RNF212: variants seen among roughly 807,000 people sequenced by gnomAD.
The protein encoded by RNF212 is ring finger protein 212, also known as probable E3 SUMO-protein ligase RNF212.
A neutral mutation model predicts 34.7 loss-of-function variants in RNF212; 33 were observed. The observed-to-expected ratio is 0.95, with a 90% confidence interval of 0.72 to 1.27. The LOEUF (loss-of-function observed/expected upper bound fraction) is 1.27. RNF212 is among the 50% of genes most tolerant of loss of function. RNF212 has a pLI of 0.00. For missense variants in RNF212, 377 were observed against 362.2 expected (o/e 1.04, Z -0.33); for synonymous variants, 140 against 136.1 (o/e 1.03, Z -0.20).
intron 2 of RNF212, among the ~76,000 whole-genome samples, chr4:1,104,296 C>G (rs1176869682): frequency 6.6e-6 from 1 of 152,220 alleles, no homozygotes; most frequent in Non-Finnish European, 1.5e-5. Flanking sequence ...ATCAGACAAC[C>G]CCCAAATCTC....
At chr4:1,064,516 A>G (rs1326704803) in intron 3 of RNF212, among the ~76,000 whole-genome samples, 1 of 152,200 alleles carries the variant, frequency 6.6e-6, no homozygotes, top group African/African-American at 2.4e-5. Context: ...CAAGTCCATC[A>G]AGATGCTGGC....
At chr4:1,106,374 A>C (rs1309522522) in intron 2 of RNF212, among the ~76,000 whole-genome samples, 2 of 152,194 alleles carry the variant, frequency 1.3e-5, no homozygotes, top group African/African-American at 4.8e-5. Flanking sequence ...AACCACAGTG[A>C]AAATCCTGAT....
chr4:1,092,970 G>C (rs1310125635), intron 3 of RNF212, among the ~76,000 whole-genome samples: 1 of 86,138 alleles, frequency 1.2e-5, no homozygotes, highest in South Asian at 4.4e-4. Flanking sequence ...GTCCACATGA[G>C]CTCCAAACTA....
At chr4:1,100,129 T>G (rs1156980381) in intron 2 of RNF212, 1 of 334,902 alleles carries the variant, frequency 3.0e-6, no homozygotes, top group African/African-American at 2.2e-5. Context: ...CAACACTAAT[T>G]TCATCTTCTT....
At chr4:1,095,936 C>T (rs1335615894) in intron 3 of RNF212, among the ~76,000 whole-genome samples, 3 of 80,096 alleles carry the variant, frequency 3.7e-5, no homozygotes, top group African/African-American at 1.8e-4. Flanking sequence ...CCCACAGCTC[C>T]ATGGTCTCGG....
intron 2 of RNF212, chr4:1,100,159 A>G (rs1723739005): frequency 9.1e-6 from 3 of 329,380 alleles, no homozygotes; most frequent in East Asian, 8.1e-5. Context: ...GCCTGTGTGG[A>G]CTTTGCACGG....
At chr4:1,068,620 G>A (rs1453810154), downstream of RNF212, among the ~76,000 whole-genome samples, 5 of 152,146 alleles carry the variant, frequency 3.3e-5, no homozygotes, top group South Asian at 1.0e-3. Flanking sequence ...AATGAACAAC[G>A]CAGTCTCTTA....
chr4:1,071,414 G>A (rs1188428244), downstream of RNF212: 4 of 152,002 alleles, frequency 2.6e-5, no homozygotes, highest in East Asian at 7.7e-4. Context: ...TTAAAAACTA[G>A]AAGAATTCTG....
intron 3 of RNF212, among the ~76,000 whole-genome samples, chr4:1,063,970 G>T (rs1215238547): frequency 6.6e-6 from 1 of 151,820 alleles, no homozygotes; most frequent in Admixed American, 6.6e-5. Context: ...CCAAGAAAAT[G>T]TATCTTCAGT....
downstream of RNF212, among the ~76,000 whole-genome samples, chr4:1,068,971 G>A (rs1718264945): frequency 6.6e-6 from 1 of 152,184 alleles, no homozygotes; most frequent in African/African-American, 2.4e-5. Flanking sequence ...ACTTTGGGAG[G>A]CTGAGGCAGG....
At chr4:1,058,945 C>T (rs1717549840) in intron 3 of RNF212, among the ~76,000 whole-genome samples, 2 of 152,250 alleles carry the variant, frequency 1.3e-5, no homozygotes, top group Admixed American at 6.5e-5. Context: ...GGCAAAAGCG[C>T]GTCCAGAATT....
chr4:1,084,069 C>T (rs531354829), intron 5 of RNF212, among the ~76,000 whole-genome samples: 5 of 151,972 alleles, frequency 3.3e-5, no homozygotes, highest in African/African-American at 9.7e-5. Context: ...CTGCCTCAGC[C>T]TCCTGAATAG....
chr4:1,107,118 C>G (rs1349198613), intron 2 of RNF212: 2 of 150,550 alleles, frequency 1.3e-5, no homozygotes, highest in East Asian at 3.9e-4. Context: ...GTGGTGTGAT[C>G]TCAGCTCACC....
intron 7 of RNF212, among the ~76,000 whole-genome samples, chr4:1,080,837 A>G (rs1560113230): frequency 6.6e-6 from 1 of 152,228 alleles, no homozygotes; most frequent in East Asian, 1.9e-4. Context: ...CTTCCATCTG[A>G]AGAGCTAGGA....
chr4:1,093,923 T>G, intron 3 of RNF212: 1 of 1,536,142 alleles, frequency 6.5e-7, no homozygotes. Context: ...GGCTGCTGCT[T>G]GGCTTCCATG....
intron 3 of RNF212, chr4:1,094,128 A>C (rs1240605248): frequency 7.8e-7 from 1 of 1,279,604 alleles, no homozygotes; most frequent in African/African-American, 1.5e-5. Context: ...AGTGCCATGC[A>C]GGGGTCCATC....
intron 2 of RNF212, chr4:1,101,342 A>G (rs2153060350): frequency 4.1e-6 from 1 of 245,170 alleles, no homozygotes; most frequent in South Asian, 6.0e-5. Context: ...AATTTTTCTC[A>G]GGGAAACCAC....
At chr4:1,060,972 G>A (rs1047194959) in intron 3 of RNF212, among the ~76,000 whole-genome samples, 1 of 152,196 alleles carries the variant, frequency 6.6e-6, no homozygotes, top group Admixed American at 6.5e-5. Context: ...TTATCTCTAC[G>A]AAGCCAAGTG....
intron 5 of RNF212, among the ~76,000 whole-genome samples, chr4:1,082,863 T>C (rs1455110132): frequency 6.6e-6 from 1 of 152,300 alleles, no homozygotes; most frequent in East Asian, 1.9e-4. Flanking sequence ...GGCAGGGCCG[T>C]GGCCTGGCTC....
Sources: gnomAD v4.1 joint callset for allele counts (sites outside exome capture counted in the v4.1 genomes callset) on GRCh38, gnomAD v4.1.1 for gene constraint, MANE v1.5 for transcripts, NCBI Gene and HGNC (gene_info 2026-07-23, HGNC 2026-07-21) for gene names.